Variants in EXOC6B observed in about 807,000 individuals in gnomAD.
EXOC6B encodes the protein SEC15 homolog B.
Under a neutral mutation model 113.5 loss-of-function variants are expected in EXOC6B, and 54 were observed. The ratio of observed to expected loss-of-function variants is 0.48; its 90% CI spans 0.38 to 0.60. EXOC6B has a LOEUF of 0.60. EXOC6B is among the 20% of genes least tolerant of loss of function. The pLI, the probability that EXOC6B is intolerant of heterozygous loss-of-function variation, is 0.00. For missense variants in EXOC6B, 797 were observed against 977.5 expected (o/e 0.82, Z 2.46); for synonymous variants, 357 against 339.0 (o/e 1.05, Z -0.58).
At chr2:72,308,669 G>A (rs1002905773) in intron 20 of EXOC6B, among the ~76,000 whole-genome samples, 1 of 152,066 alleles carries the variant, frequency 6.6e-6, no homozygotes, top group Non-Finnish European at 1.5e-5. Context: ...TAAAAGCAAT[G>A]GGCTAACATT....
At chr2:72,530,021 TTTTC>T (rs1393314358) in intron 8 of EXOC6B, among the ~76,000 whole-genome samples, 1 of 152,148 alleles carries the variant, frequency 6.6e-6, no homozygotes, top group African/African-American at 2.4e-5. Context: ...TATTCTTTCC[TTTTC>T]TTTGTCAGTC....
chr2:72,500,865 T>C (rs947826117), intron 11 of EXOC6B, among the ~76,000 whole-genome samples: 3 of 152,194 alleles, frequency 2.0e-5, no homozygotes, highest in African/African-American at 7.2e-5. Context: ...CCCACAATTA[T>C]GCAGCTTGTC....
At chr2:72,490,262 T>C (rs1013981029) in intron 16 of EXOC6B, among the ~76,000 whole-genome samples, 2 of 152,164 alleles carry the variant, frequency 1.3e-5, no homozygotes, top group Non-Finnish European at 2.9e-5. Context: ...CTACCATGTT[T>C]GCTAGCTGTA....
chr2:72,179,769 C>G, intron 21 of EXOC6B, among the ~76,000 whole-genome samples: 1 of 152,180 alleles, frequency 6.6e-6, no homozygotes. Flanking sequence ...TATGTACCTG[C>G]TGTAGGTGTC....
chr2:72,326,668 G>A (rs1688144533), intron 20 of EXOC6B, among the ~76,000 whole-genome samples: 1 of 151,984 alleles, frequency 6.6e-6, no homozygotes, highest in Admixed American at 6.6e-5. Flanking sequence ...CAGAGGGGTA[G>A]GAGAGTTGTC....
chr2:72,497,536 T>C (rs1319952098), intron 13 of EXOC6B, among the ~76,000 whole-genome samples: 1 of 152,174 alleles, frequency 6.6e-6, no homozygotes, highest in African/African-American at 2.4e-5. Flanking sequence ...TATCATGTTA[T>C]TAATTTTCAA....
chr2:72,404,874 T>A (rs938745153), intron 18 of EXOC6B, among the ~76,000 whole-genome samples: 8 of 151,318 alleles, frequency 5.3e-5, no homozygotes, highest in African/African-American at 1.9e-4. Flanking sequence ...CCTTGACGAG[T>A]TGAGAGAAGA....
At chr2:72,694,532 C>T (rs1428302542) in intron 6 of EXOC6B, among the ~76,000 whole-genome samples, 2 of 152,140 alleles carry the variant, frequency 1.3e-5, no homozygotes, top group African/African-American at 2.4e-5. Context: ...ATAATTCTTC[C>T]ACCTCCATAT....
At chr2:72,674,503 T>C (rs1426861035) in intron 6 of EXOC6B, among the ~76,000 whole-genome samples, 2 of 152,226 alleles carry the variant, frequency 1.3e-5, no homozygotes, top group African/African-American at 4.8e-5. Flanking sequence ...CAATCATTTA[T>C]GTCTATCGAG....
intron 20 of EXOC6B, among the ~76,000 whole-genome samples, chr2:72,316,007 A>G (rs2104809089): frequency 6.6e-6 from 1 of 152,328 alleles, no homozygotes; most frequent in Non-Finnish European, 1.5e-5. Context: ...AGTCACTCCT[A>G]GAAAGATTTT....
Position 72,617,289 on chromosome 2 carries a change from A to G in EXOC6B, c.670-41621T>C, listed in dbSNP as rs532957084. Among the ~76,000 whole-genome samples the G allele has an allele frequency of 2.1e-3, 317 of 152,206 alleles. 1 individual carries two copies. The highest frequency in any genetic ancestry group is 3.8e-3 in the Non-Finnish European group (256 of 68,006). ...GGTGCAAGCTGTGGGTGGATCCACAATTCTGGGGTCTGGAGGATGGTGGCC... is the reference window on the plus strand; with the variant it reads ...GGTGCAAGCTGTGGGTGGATCCACAGTTCTGGGGTCTGGAGGATGGTGGCC... On this transcript the variant is annotated intron_variant, in intron 6 of 21. Coordinates refer to ENST00000272427, the MANE Select transcript of EXOC6B (RefSeq NM_015189.3).
chr2:72,623,309 T>A (rs1436369659), intron 6 of EXOC6B, among the ~76,000 whole-genome samples: 1 of 152,166 alleles, frequency 6.6e-6, no homozygotes, highest in Non-Finnish European at 1.5e-5. Flanking sequence ...CTAGAACTCT[T>A]TTAGAGGGCT....
At position 72,723,648 on chromosome 2, in the gene EXOC6B, C is replaced by G. The variant is rs189592974; in HGVS notation, c.465-5341G>C. ...AATCAAAGAGCATCATTAACAAATA[C>G]GTAATTTCTTCTGTGCGCTAGAGAT... On this transcript the variant is annotated intron_variant, in intron 5 of 21. Transcript: ENST00000272427. Among the ~76,000 whole-genome samples the G allele has an allele frequency of 1.3e-3, 189 of 150,884 alleles. 2 individuals are homozygous for G. The highest frequency in any genetic ancestry group is 3.7e-3 in the Admixed American group (56 of 15,112).
At chr2:72,208,322 T>G (rs1176707940) in intron 20 of EXOC6B, among the ~76,000 whole-genome samples, 1 of 152,070 alleles carries the variant, frequency 6.6e-6, no homozygotes, top group Non-Finnish European at 1.5e-5. Flanking sequence ...CCACTTATAA[T>G]TGAGAACATG....
intron 1 of EXOC6B, among the ~76,000 whole-genome samples, chr2:72,813,175 A>G (rs1425667382): frequency 1.3e-5 from 2 of 152,132 alleles, no homozygotes; most frequent in African/African-American, 4.8e-5. Context: ...CTGCAGCCTC[A>G]ACCTCCTGGG....
chr2:72,601,232 G>C (rs1432285599), intron 6 of EXOC6B, among the ~76,000 whole-genome samples: 1 of 151,360 alleles, frequency 6.6e-6, no homozygotes, highest in Non-Finnish European at 1.5e-5. Context: ...ACCCAGGCTG[G>C]AGTGCAGTGG....
At chr2:72,489,079 C>A (rs940955271) in intron 16 of EXOC6B, among the ~76,000 whole-genome samples, 8 of 152,114 alleles carry the variant, frequency 5.3e-5, no homozygotes, top group African/African-American at 1.4e-4. Context: ...CCTGAAATTT[C>A]TCCTGCAATA....
chr2:72,584,486 TAACATTGGAG>T, intron 6 of EXOC6B, among the ~76,000 whole-genome samples: 1 of 152,328 alleles, frequency 6.6e-6, no homozygotes, highest in South Asian at 2.1e-4. Context: ...TGTATGCACC[TAACATTGGAG>T]AACACAGATT....
chr2:72,367,099 G>A (rs1291089562), intron 19 of EXOC6B, among the ~76,000 whole-genome samples: 1 of 151,916 alleles, frequency 6.6e-6, no homozygotes, highest in Non-Finnish European at 1.5e-5. Flanking sequence ...ATGTATTGTG[G>A]GGTTTATAGA....
Sources: allele counts gnomAD v4.1 joint callset (sites outside exome capture counted in the v4.1 genomes callset), GRCh38; gene constraint gnomAD v4.1.1; transcripts MANE v1.5; gene names NCBI Gene and HGNC (gene_info 2026-07-23, HGNC 2026-07-21).